Variants in GALR1 observed in about 807,000 individuals in gnomAD.
GALR1 encodes the protein galanin receptor type 1.
A neutral mutation model predicts 17.9 loss-of-function variants in GALR1; 11 were observed. The observed-to-expected ratio is 0.62, with a 90% CI of 0.39 to 1.02. The LOEUF (loss-of-function observed/expected upper bound fraction) is 1.02. Ranked by LOEUF, GALR1 falls within the 50% of genes least tolerant of loss-of-function variation. The pLI is 0.01. For missense variants in GALR1, 441 were observed against 456.9 expected (o/e 0.97, Z 0.32); for synonymous variants, 206 against 205.7 (o/e 1.00, Z -0.01).
intron 1 of GALR1, 98 bp downstream of exon 1, chr18:77,251,312 C>A: frequency 6.8e-7 from 1 of 1,480,136 alleles, no homozygotes; most frequent in Non-Finnish European, 8.9e-7. Context: ...GGAGCCTTGG[C>A]GGCAGCCTGG....
chr18:77,277,699 T>G lies in GALR1; in HGVS notation c.*8797T>G, dbSNP rs1913183573. ...TTCTCTAGAGAGCTGGCCATACAATTTATCTCATTATTTATAGATCTAGCA... is the reference window on the plus strand; with the variant it reads ...TTCTCTAGAGAGCTGGCCATACAATGTATCTCATTATTTATAGATCTAGCA... On this transcript the variant is annotated 3_prime_UTR_variant, in exon 3 of 3. Transcript: ENST00000299727. 6.6e-6 allele frequency: 1 copy of G among 152,216 alleles called. No individual in the cohort carries two copies. Among genetic ancestry groups the G allele is most frequent in the African/African-American group, 2.4e-5 (1 of 41,450 alleles). 9.4% of individuals were successfully genotyped at this position (152,216 alleles called of 1,614,324 possible).
At chr18:77,252,968 CCAT>C (rs1568139195) in intron 1 of GALR1, among the ~76,000 whole-genome samples, 1,259 of 43,548 alleles carry the variant, frequency 0.029, 38 homozygotes, top group African/African-American at 0.079. Flanking sequence ...ATCACCACCA[CCAT>C]CACCACCATC....
At chr18:77,261,276 T>A (rs1293637941) in intron 2 of GALR1, among the ~76,000 whole-genome samples, 1 of 152,198 alleles carries the variant, frequency 6.6e-6, no homozygotes, top group Non-Finnish European at 1.5e-5. Context: ...TAATTTTTTC[T>A]CCATCAAAAG....
At position 77,269,150 on chromosome 18, in the gene GALR1, C is replaced by T. The variant is rs1913010423; in HGVS notation, c.*248C>T. On this transcript the variant is annotated 3_prime_UTR_variant, in exon 3 of 3. Coordinates refer to ENST00000299727, the MANE Select transcript of GALR1 (RefSeq NM_001480.4). ...TTCAGAAACAAAAGACAATGCTGTA[C>T]AGTTTTATTCCTCTTCAGACATGAA... is the stretch of plus-strand genomic sequence containing the variant. 2 of 468,408 alleles carry T rather than the reference C, an allele frequency of 4.3e-6. No individual in the cohort carries two copies. Among genetic ancestry groups the T allele is most frequent in the East Asian group, 7.8e-5 (2 of 25,650 alleles). The allele number at this position is 468,408 out of a possible 1,614,324, so 29.0% of individuals were successfully genotyped here. A position where few individuals can be genotyped will look rare whatever the true frequency, so the allele number is the denominator to read the frequency against.
chr18:77,250,577 A>T lies in GALR1; in HGVS notation c.29A>T (p.Glu10Val). The stretch of plus-strand genomic sequence containing the variant: ...GAGCTGGCGGTCGGGAACCTCAGCG[A>T]GGGCAACGCGAGCTGGCCGGAGCCC... MELAVGNLS[E>V]GNASWPEPPA... Residue 10 changes from glutamate (E) to valine (V), a missense_variant, in exon 1 of 3, where the codon GAG (glutamate) becomes GTG (valine). By Grantham distance (121) the Glu-to-Val change is moderately radical. Transcript: ENST00000299727. The T allele has an allele frequency of 6.5e-7, 1 of 1,540,290 alleles. No individual in the cohort carries two copies. The highest frequency in any genetic ancestry group is 8.7e-7 in the Non-Finnish European group (1 of 1,148,208).
intron 2 of GALR1, 113 bp downstream of exon 2, chr18:77,256,336 G>T: frequency 1.6e-6 from 1 of 637,540 alleles, no homozygotes; most frequent in Non-Finnish European, 2.7e-6. Context: ...GACCCTTGGT[G>T]TGGCTAAGGA....
Position 77,250,356 on chromosome 18 carries a change from C to T in GALR1, c.-193C>T, listed in dbSNP as rs926707810. On this transcript the variant is annotated 5_prime_UTR_variant, in exon 1 of 3. Transcript: ENST00000299727. Reference sequence around the variant, plus strand: ...GAACCCACCCTCTCTCAGAAGGTCCCGGCGCAAAGACGGTGCCACCAGGCA... The same window carrying T: ...GAACCCACCCTCTCTCAGAAGGTCCTGGCGCAAAGACGGTGCCACCAGGCA... 6.6e-6 allele frequency among the ~76,000 whole-genome samples: 1 copy of T among 152,150 alleles called. No homozygotes were observed. The highest frequency in any genetic ancestry group is 2.4e-5 in the African/African-American group (1 of 41,450).
Position 77,277,252 on chromosome 18 carries a change from CTG to C in GALR1, c.*8354_*8355del, listed in dbSNP as rs1226992043. The C allele has an allele frequency of 1.3e-5, 2 of 152,160 alleles. No homozygotes were observed. Among genetic ancestry groups the C allele is most frequent in the Non-Finnish European group, 1.5e-5 (1 of 68,040 alleles). The allele number at this position is 152,160 out of a possible 1,614,324, so 9.4% of individuals were successfully genotyped here. A position where few individuals can be genotyped will look rare whatever the true frequency, so the allele number is the denominator to read the frequency against. ...TAATAAGGTTTGATATGGTTTGGCT[CTG>C]TGTCTCCACCCAAATCTCACCTTGA... On this transcript the variant is annotated 3_prime_UTR_variant, in exon 3 of 3. Transcript: ENST00000299727.
At chr18:77,264,846 G>T (rs945730643) in intron 2 of GALR1, among the ~76,000 whole-genome samples, 2 of 152,180 alleles carry the variant, frequency 1.3e-5, no homozygotes, top group Non-Finnish European at 2.9e-5. Context: ...CATGAGAATA[G>T]CATGAAGGTA....
rs764853182 is a variant in GALR1 at position 77,251,086 on chromosome 18, C to A, written c.538C>A (p.Arg180Ser). Residue 180 changes from arginine (R) to serine (S), a missense_variant, in exon 1 of 3, where the codon CGC becomes AGC. Arg to Ser is a moderately radical substitution (Grantham distance 110, BLOSUM62 -1). Coordinates refer to ENST00000299727, the MANE Select transcript of GALR1 (RefSeq NM_001480.4). Reference sequence around the variant, plus strand: ...CTACCACCAGGGCCTCTTCCACCCGCGCGCCAGCAACCAGACCTTCTGCTG... The same window carrying A: ...CTACCACCAGGGCCTCTTCCACCCGAGCGCCAGCAACCAGACCTTCTGCTG... ...VAYHQGLFHP[R>S]ASNQTFCWEQ... 6.2e-7 allele frequency: 1 copy of A among 1,611,110 alleles called. No homozygotes were observed. Among genetic ancestry groups the A allele is most frequent in the South Asian group, 1.1e-5 (1 of 91,092 alleles).
chr18:77,258,590 G>A (rs1190353024), intron 2 of GALR1, among the ~76,000 whole-genome samples: 1 of 134,420 alleles, frequency 7.4e-6, no homozygotes, highest in Non-Finnish European at 1.6e-5. Context: ...TCATGGTGGT[G>A]ATGGTGGTGG....
chr18:77,268,960 C>T lies in GALR1; in HGVS notation c.*58C>T. On this transcript the variant is annotated 3_prime_UTR_variant, in exon 3 of 3. Coordinates refer to ENST00000299727, the MANE Select transcript of GALR1 (RefSeq NM_001480.4). The stretch of plus-strand genomic sequence containing the variant: ...CATATAAGTGGACCAGACACAGAAA[C>T]AAACAGAATGAGCTAGTAAGCGATG... 1 of 1,282,228 alleles carries T rather than the reference C, an allele frequency of 7.8e-7. No individual in the cohort carries two copies. Among genetic ancestry groups the T allele is most frequent in the Non-Finnish European group, 1.1e-6 (1 of 902,256 alleles). The allele number at this position is 1,282,228 out of a possible 1,614,324, so 79.4% of individuals were successfully genotyped here.
In GALR1 at chr18:77,271,246, A is replaced by ACCC. The variant is rs35556274; in HGVS notation, c.*2355_*2357dup. 12 of 77,964 alleles carry ACCC rather than the reference A, an allele frequency of 1.5e-4. No homozygotes were observed. The highest frequency in any genetic ancestry group is 3.9e-4 in the Admixed American group (3 of 7,772). The allele number at this position is 77,964 out of a possible 1,614,324, so 4.8% of individuals were successfully genotyped here. A position where few individuals can be genotyped will look rare whatever the true frequency, so the allele number is the denominator to read the frequency against. The stretch of plus-strand genomic sequence containing the variant: ...CAAAAAGTAATAGCTTGCGCTTGAA[A>ACCC]CCCCCCCCCCCCCGCCACTTTGCTA... On this transcript the variant is annotated 3_prime_UTR_variant, in exon 3 of 3. Transcript: ENST00000299727.
At position 77,274,904 on chromosome 18, in the gene GALR1, G is replaced by A. The variant is rs965275467; in HGVS notation, c.*6002G>A. ...TAAAGTTGGTCATATTTCTACACTT[G>A]AGATCTTCCAGTTTCTGTGAATGTT... On this transcript the variant is annotated 3_prime_UTR_variant, in exon 3 of 3. Coordinates refer to ENST00000299727, the MANE Select transcript of GALR1 (RefSeq NM_001480.4). 6.6e-6 allele frequency: 1 copy of A among 152,052 alleles called. No individual in the cohort carries two copies. Among genetic ancestry groups the A allele is most frequent in the South Asian group, 2.1e-4 (1 of 4,828 alleles). The allele number at this position is 152,052 out of a possible 1,614,324, so 9.4% of individuals were successfully genotyped here. A position where few individuals can be genotyped will look rare whatever the true frequency, so the allele number is the denominator to read the frequency against.
chr18:77,266,228 C>T (rs1037654988), intron 2 of GALR1, among the ~76,000 whole-genome samples: 1 of 152,156 alleles, frequency 6.6e-6, no homozygotes, highest in South Asian at 2.1e-4. Context: ...CAAGAGTGAC[C>T]TTTACTCCAG....
At position 77,274,511 on chromosome 18, in the gene GALR1, G is replaced by A. The variant is rs1397698031; in HGVS notation, c.*5609G>A. The stretch of plus-strand genomic sequence containing the variant: ...TCAGTATATAATGGACTTGTGCCAA[G>A]TACCTAAGGGTTCACTGCCTTGTTT... On this transcript the variant is annotated 3_prime_UTR_variant, in exon 3 of 3. Coordinates refer to ENST00000299727, the MANE Select transcript of GALR1 (RefSeq NM_001480.4). The A allele has an allele frequency of 6.6e-6, 1 of 152,224 alleles. No individual in the cohort carries two copies. Among genetic ancestry groups the A allele is most frequent in the East Asian group, 1.9e-4 (1 of 5,194 alleles). 9.4% of individuals were successfully genotyped at this position (152,224 alleles called of 1,614,324 possible).
rs966143317 is a variant in GALR1 at position 77,270,136 on chromosome 18, C to T, written c.*1234C>T. 7.9e-5 allele frequency: 12 copies of T among 152,080 alleles called. No individual in the cohort carries two copies. The highest frequency in any genetic ancestry group is 4.1e-4 in the South Asian group (2 of 4,822). 9.4% of individuals were successfully genotyped at this position (152,080 alleles called of 1,614,324 possible). On this transcript the variant is annotated 3_prime_UTR_variant, in exon 3 of 3. Coordinates refer to ENST00000299727, the MANE Select transcript of GALR1 (RefSeq NM_001480.4). ...ATGAAAATATTAAATTGTCTTGTAT[C>T]GGAAAAGTACTTTTCAGACTGTAAG...
rs1913109179 is a variant in GALR1, at chr18:77,273,950, T to G, written c.*5048T>G. On this transcript the variant is annotated 3_prime_UTR_variant, in exon 3 of 3. Coordinates refer to ENST00000299727, the MANE Select transcript of GALR1 (RefSeq NM_001480.4). Reference sequence around the variant, plus strand: ...CTGATGGAATGGACTGGAACTGAGCTCCACTGTTTAAATTTTTGACTCTCA... The same window carrying G: ...CTGATGGAATGGACTGGAACTGAGCGCCACTGTTTAAATTTTTGACTCTCA... The G allele has an allele frequency of 6.6e-6, 1 of 152,138 alleles. No individual in the cohort carries two copies. Among genetic ancestry groups the G allele is most frequent in the African/African-American group, 2.4e-5 (1 of 41,430 alleles). The allele number at this position is 152,138 out of a possible 1,614,324, so 9.4% of individuals were successfully genotyped here. A position where few individuals can be genotyped will look rare whatever the true frequency, so the allele number is the denominator to read the frequency against.
chr18:77,268,686 G>A lies in GALR1; in HGVS notation c.834G>A (p.Thr278=), dbSNP rs776318304. 9.9e-6 allele frequency: 16 copies of A among 1,613,996 alleles called. No homozygotes were observed. Among genetic ancestry groups the A allele is most frequent in the South Asian group, 8.8e-5 (8 of 91,082 alleles). Residue 278 remains threonine (T), a synonymous_variant, in exon 3 of 3, where the codon ACG becomes ACA. Coordinates refer to ENST00000299727, the MANE Select transcript of GALR1 (RefSeq NM_001480.4). ...CTGAGTTTGGAGTTTTCCCGCTGAC[G>A]CCGGCTTCCTTCCTCTTCAGAATCA... is the stretch of plus-strand genomic sequence containing the variant. ...LWAEFGVFPL[T]PASFLFRITA... is the part of the protein sequence containing the mutation.
Sources: allele counts gnomAD v4.1 joint callset (sites outside exome capture counted in the v4.1 genomes callset), GRCh38; gene constraint gnomAD v4.1.1; transcripts MANE v1.5; gene names NCBI Gene and HGNC (gene_info 2026-07-23, HGNC 2026-07-21).